Variants in PIGB observed in about 807,000 individuals in gnomAD.
The protein encoded by PIGB is phosphatidylinositol glycan anchor biosynthesis class B.
Under a neutral mutation model 68.4 loss-of-function variants are expected in PIGB, and 58 were observed. The observed-to-expected ratio is 0.85, with a 90% confidence interval of 0.69 to 1.06. The LOEUF (loss-of-function observed/expected upper bound fraction) is 1.06. PIGB is among the 50% of genes least tolerant of loss of function. PIGB has a pLI of 0.00. For synonymous variants in PIGB, 219 were observed against 220.5 expected, an observed-to-expected ratio of 0.99 and a Z score of 0.06; for missense variants, 634 against 655.8, an observed-to-expected ratio of 0.97 and a Z score of 0.36.
chr15:55,336,731 T>C (rs927997179), intron 6 of PIGB, among the ~76,000 whole-genome samples: 25 of 152,254 alleles, frequency 1.6e-4, no homozygotes, highest in Admixed American at 1.1e-3. Flanking sequence ...CTCACGCCTA[T>C]AATCCCAGCA....
At chr15:55,355,061 AAC>A in intron 11 of PIGB, 83 bp downstream of exon 11, 2 of 1,177,158 alleles carry the variant, frequency 1.7e-6, no homozygotes, top group Non-Finnish European at 2.4e-6. Context: ...TAGATAATAT[AAC>A]CTTTTTATGG....
intron 10 of PIGB, among the ~76,000 whole-genome samples, chr15:55,351,256 T>C (rs932873442): frequency 1.3e-5 from 2 of 151,642 alleles, no homozygotes; most frequent in Non-Finnish European, 2.9e-5. Context: ...CACAGGTGCC[T>C]GCCACCATGC....
At chr15:55,320,052 T>A in intron 1 of PIGB, 1 of 378,522 alleles carries the variant, frequency 2.6e-6, no homozygotes, top group Non-Finnish European at 4.7e-6. Context: ...CTTTACACAA[T>A]AAGTTGCAAG....
chr15:55,340,455 T>TAA (rs377443578), intron 7 of PIGB, 157 bp from the exon 8 acceptor site: 25,356 of 313,028 alleles, frequency 0.081, 2,024 homozygotes, highest in African/African-American at 0.3. Flanking sequence ...GACTCCATCT[T>TAA]AAAAAAAAAA....
chr15:55,324,041 C>T (rs2055224743), intron 3 of PIGB, among the ~76,000 whole-genome samples: 1 of 152,180 alleles, frequency 6.6e-6, no homozygotes, highest in African/African-American at 2.4e-5. Flanking sequence ...GTGTCTGCCA[C>T]CACACCTGGC....
chr15:55,337,130 C>T (rs1050694044), intron 6 of PIGB, among the ~76,000 whole-genome samples: 4 of 151,144 alleles, frequency 2.6e-5, no homozygotes, highest in Non-Finnish European at 4.4e-5. Context: ...TAAAGAGACT[C>T]ATTTCATTTG....
Position 55,334,686 on chromosome 15 carries a change from G to A in PIGB, c.794+679G>A, listed in dbSNP as rs775766275. On this transcript the variant is annotated intron_variant, in intron 6 of 11. Coordinates refer to ENST00000164305, the MANE Select transcript of PIGB (RefSeq NM_004855.5). ...AGTGGTCCCATAAGATTATATTACC[G>A]TATTTTAGTGTACTTTAGTTTCTCT... 3.9e-5 allele frequency among the ~76,000 whole-genome samples: 6 copies of A among 152,152 alleles called. No individual in the cohort carries two copies. In the East Asian group the frequency reaches 7.7e-4, roughly 20 times the overall value.
At chr15:55,343,106 A>AATC (rs1481576005) in intron 9 of PIGB, 1 of 152,200 alleles carries the variant, frequency 6.6e-6, no homozygotes, top group African/African-American at 2.4e-5. Flanking sequence ...TGAGATGTAT[A>AATC]ATCTCTTCAA....
chr15:55,339,175 C>T, intron 6 of PIGB, 92 bp from the exon 7 acceptor site: 1 of 823,222 alleles, frequency 1.2e-6, no homozygotes. Flanking sequence ...TTTATAGTGG[C>T]TTTTGATGCA....
At chr15:55,337,159 G>A (rs1436498012) in intron 6 of PIGB, among the ~76,000 whole-genome samples, 1 of 152,154 alleles carries the variant, frequency 6.6e-6, no homozygotes, top group African/African-American at 2.4e-5. Context: ...GAAAAACAAA[G>A]TAAAGCCACC....
chr15:55,348,763 G>C (rs551225710), intron 9 of PIGB, among the ~76,000 whole-genome samples: 1 of 152,274 alleles, frequency 6.6e-6, no homozygotes, highest in African/African-American at 2.4e-5. Flanking sequence ...AAATTAGCCA[G>C]TCTCAGGTAT....
chr15:55,353,980 C>G (rs2055996469), intron 10 of PIGB, among the ~76,000 whole-genome samples: 1 of 127,696 alleles, frequency 7.8e-6, no homozygotes, highest in Admixed American at 7.2e-5. Context: ...TTGCTCTCTA[C>G]TTCTCAATCA....
chr15:55,333,787 A>G (rs1400582960), intron 5 of PIGB, 80 bp from the exon 6 acceptor site: 17 of 1,050,940 alleles, frequency 1.6e-5, no homozygotes, highest in Admixed American at 9.9e-5. Context: ...ACCAAAAGGA[A>G]AATGTCAAAT....
chr15:55,340,715 CAGTTATCTTGGGT>C lies in PIGB; in HGVS notation c.952_964del (p.Val318LeufsTer12). ...CACTGGTACTTCAGTCAAGGATTTCCAGTTATCTTGGGTACTCACTTACCCTTCTTTATTCATG... is the reference window on the plus strand; with the variant it reads ...CACTGGTACTTCAGTCAAGGATTTCCACTCACTTACCCTTCTTTATTCATG... On this transcript the variant is annotated frameshift_variant, in exon 8 of 12. Transcript: ENST00000164305. LOFTEE classifies it high-confidence loss of function. 6.2e-7 allele frequency: 1 copy of C among 1,611,508 alleles called. No homozygotes were observed.
At chr15:55,350,666 G>C in intron 9 of PIGB, 33 bp from the exon 10 acceptor site, 1 of 1,339,592 alleles carries the variant, frequency 7.5e-7, no homozygotes, top group Non-Finnish European at 1.1e-6. Context: ...AAGATTGTCA[G>C]TGTTAAGGTT....
At chr15:55,345,777 T>C (rs1293430052) in intron 9 of PIGB, among the ~76,000 whole-genome samples, 2 of 152,080 alleles carry the variant, frequency 1.3e-5, no homozygotes, top group Non-Finnish European at 2.9e-5. Flanking sequence ...AAAATTCTTC[T>C]TGATACCTTC....
intron 6 of PIGB, among the ~76,000 whole-genome samples, chr15:55,338,817 G>A (rs2055596189): frequency 6.6e-6 from 1 of 152,112 alleles, no homozygotes; most frequent in Non-Finnish European, 1.5e-5. Context: ...GCAACCATGT[G>A]AGCAAATTTG....
chr15:55,341,387 A>G (rs1595792539), intron 8 of PIGB, among the ~76,000 whole-genome samples: 1 of 152,324 alleles, frequency 6.6e-6, no homozygotes, highest in Non-Finnish European at 1.5e-5. Flanking sequence ...AATACTACCA[A>G]AATTTTAAAT....
chr15:55,352,337 A>AT (rs1333429517), intron 10 of PIGB, among the ~76,000 whole-genome samples: 7 of 152,214 alleles, frequency 4.6e-5, no homozygotes, highest in Admixed American at 3.3e-4. Flanking sequence ...TAATGCTTGA[A>AT]TTAAGTGTTT....
Sources: allele counts gnomAD v4.1 joint callset (sites outside exome capture counted in the v4.1 genomes callset), GRCh38; gene constraint gnomAD v4.1.1; transcripts MANE v1.5; gene names NCBI Gene and HGNC (gene_info 2026-07-23, HGNC 2026-07-21).